AHNAK2: variants seen among roughly 807,000 people sequenced by gnomAD.
AHNAK2 encodes AHNAK nucleoprotein 2.
A neutral mutation model predicts 30.7 loss-of-function variants in AHNAK2; 18 were observed. The observed-to-expected ratio is 0.59, with a 90% CI of 0.41 to 0.87. The LOEUF (loss-of-function observed/expected upper bound fraction) is 0.87, where lower values mean the gene tolerates loss of function less well. AHNAK2 is among the 40% of genes least tolerant of loss of function. The pLI, the probability that AHNAK2 is intolerant of heterozygous loss-of-function variation, is 0.00. For missense variants in AHNAK2, 8,604 were observed against 7,373.0 expected (o/e 1.17, Z -6.11); for synonymous variants, 3,590 against 3,073.8 (o/e 1.17, Z -5.56).
chr14:104,945,005 G>T lies in AHNAK2; in HGVS notation c.10446C>A (p.Ser3482=), dbSNP rs144545959. 1.1e-3 allele frequency: 1,828 copies of T among 1,609,732 alleles called. 10 individuals carry two copies. The highest frequency in any genetic ancestry group is 0.011 in the African/African-American group (770 of 73,172). The change falls in exon 7 of 7, where the codon TCC becomes TCA. Residue 3482 remains serine (S), a synonymous_variant. Coordinates refer to ENST00000333244, the MANE Select transcript of AHNAK2 (RefSeq NM_138420.4). ...KFKMPKFKMP[S]FGVSAPGRSI... ...ACCTGCCTGGGGCCGACACCCCGAA[G>T]GAGGGCATCTTGAACTTGGGCATTT...
In AHNAK2 at chr14:104,944,437, C is replaced by T. The variant is rs758999554; in HGVS notation, c.11014G>A (p.Val3672Met). Residue 3672 changes from valine to methionine, a missense_variant, in exon 7 of 7, where the codon GTG becomes ATG. Transcript: ENST00000333244. ...TCCCCCTGCATGGAGGGGAGACTCA[C>T]ATCGGCTTCCACCTTGGGTGCAGAC... The part of the protein sequence containing the change: ...DVSAPKVEAD[V>M]SLPSMQGDLK... The T allele has an allele frequency of 8.1e-6, 13 of 1,612,896 alleles. No individual in the cohort carries two copies. In the African/African-American group the frequency reaches 1.1e-4, roughly 13 times the overall value.
rs1161758778 is a variant in AHNAK2 at position 104,951,709 on chromosome 14, T to C, written c.3742A>G (p.Lys1248Glu). The change falls in exon 7 of 7, where the codon AAG becomes GAG. Residue 1248 changes from lysine (K) to glutamate (E), a missense_variant. Physicochemically the swap from Lys to Glu is moderately conservative, Grantham distance 56. Coordinates refer to ENST00000333244, the MANE Select transcript of AHNAK2 (RefSeq NM_138420.4). ...ATCTTCAAACTAGGCATCTGCACCT[T>C]GGGCAGGTGCCCTTTGAAGCCGGCT... ...EGAGFKGHLP[K>E]VQMPSLKMPK... 1.6e-6 allele frequency: 2 copies of C among 1,246,286 alleles called. No individual in the cohort carries two copies. The highest frequency in any genetic ancestry group is 4.5e-5 in the East Asian group (2 of 44,406). The allele number at this position is 1,246,286 out of a possible 1,614,324, so 77.2% of individuals were successfully genotyped here. A position where few individuals can be genotyped will look rare whatever the true frequency, so the allele number is the denominator to read the frequency against.
In AHNAK2 at chr14:104,948,230, G is replaced by A. The variant is rs775359340; in HGVS notation, c.7221C>T (p.Pro2407=). The A allele has an allele frequency of 5.0e-6, 8 of 1,612,342 alleles. No individual in the cohort carries two copies. The East Asian group carries it at 1.6e-4, about 32-fold the overall frequency. The change falls in exon 7 of 7, where the codon CCC becomes CCT. Residue 2407 remains proline (P), a synonymous_variant. Coordinates refer to ENST00000333244, the MANE Select transcript of AHNAK2 (RefSeq NM_138420.4). ...LKGHLPKLQM[P]SFKMPKVDLK... ...GATCTACTTTGGGCATCTTGAAACT[G>A]GGCATCTGCAGCTTGGGCAGGTGCC...
rs767924308 is a variant in AHNAK2 at position 104,948,725 on chromosome 14, G to C, written c.6726C>G (p.Pro2242=). 1 of 1,611,548 alleles carries C rather than the reference G, an allele frequency of 6.2e-7. No individual in the cohort carries two copies. Among genetic ancestry groups the C allele is most frequent in the Admixed American group, 1.7e-5 (1 of 59,824 alleles). ...GGTCCACTTTGGGCACCTTGAAACT[G>C]GGCATCTGCAGCTTGGGCAGGTGCC... The part of the protein sequence containing the change: ...LKGHLPKLQM[P]SFKVPKVDLK... The change falls in exon 7 of 7, where the codon CCC becomes CCG. Residue 2242 remains proline, a synonymous_variant. Transcript: ENST00000333244.
rs548794352 is a variant in AHNAK2, at chr14:104,954,940, G to A, written c.651+17C>T. ...GAAGCCAGCTGGGGCCCTGCCCCCC[G>A]GGCATAGTGGTCTCACCTCCTTCTC... On this transcript the variant is annotated intron_variant, in intron 6 of 6. Coordinates refer to ENST00000333244, the MANE Select transcript of AHNAK2 (RefSeq NM_138420.4). This position sits in a 1 kb window ranked among gnomAD's most constrained non-coding sequence, Gnocchi z 4.3. 3.6e-5 allele frequency: 58 copies of A among 1,600,360 alleles called. No individual in the cohort carries two copies. In the East Asian group the frequency reaches 4.0e-4, roughly 11 times the overall value.
rs368494029 is a variant in AHNAK2 at position 104,949,448 on chromosome 14, C to G, written c.6003G>C (p.Ser2001=). The G allele has an allele frequency of 3.2e-6, 5 of 1,583,216 alleles. 1 individual carries two copies. Among genetic ancestry groups the G allele is most frequent in the Non-Finnish European group, 4.3e-6 (5 of 1,160,838 alleles). The part of the protein sequence containing the change: ...PKFKMPSFGV[S]APGRSIEASV... Reference sequence around the variant, plus strand: ...AGGCCTCGATGGACCTCCCTGGGGCCGATACCCCGAACGACGGCATCTTGA... The same window carrying G: ...AGGCCTCGATGGACCTCCCTGGGGCGGATACCCCGAACGACGGCATCTTGA... Residue 2001 remains serine, a synonymous_variant, in exon 7 of 7, where the codon TCG becomes TCC. Transcript: ENST00000333244.
chr14:104,944,355 G>C lies in AHNAK2; in HGVS notation c.11096C>G (p.Ala3699Gly). The change falls in exon 7 of 7, where the codon GCT (alanine) becomes GGT (glycine). Residue 3699 changes from alanine (A) to glycine (G), a missense_variant. Transcript: ENST00000333244. Reference sequence around the variant, plus strand: ...CGGGAGCTTCACATCCATCTGGCCAGCCTGGACCTTCAGGTCGGCAGAAGG... The same window carrying C: ...CGGGAGCTTCACATCCATCTGGCCACCCTGGACCTTCAGGTCGGCAGAAGG... ...QPPSADLKVQ[A>G]GQMDVKLPEG... The C allele has an allele frequency of 1.2e-6, 2 of 1,612,648 alleles. No individual in the cohort carries two copies. Among genetic ancestry groups the C allele is most frequent in the Non-Finnish European group, 1.7e-6 (2 of 1,179,496 alleles).
In AHNAK2 at chr14:104,956,606, G is replaced by C; in HGVS notation, c.297C>G (p.Phe99Leu). ...KRDSGDSRTF[F>L]RMSRPEAVQE... ...TACCCACCTCTGGACGACTCATCCTGAAAAATGTCCGTGAGTCCCCTGAAT... is the reference window on the plus strand; with the variant it reads ...TACCCACCTCTGGACGACTCATCCTCAAAAATGTCCGTGAGTCCCCTGAAT... Residue 99 changes from phenylalanine (F) to leucine (L), a missense_variant, in exon 4 of 7, where the codon TTC (phenylalanine) becomes TTG (leucine). Phe to Leu is a conservative substitution (Grantham distance 22). Transcript: ENST00000333244. 1 of 1,613,904 alleles carries C rather than the reference G, an allele frequency of 6.2e-7. No individual in the cohort carries two copies. Among genetic ancestry groups the C allele is most frequent in the Non-Finnish European group, 8.5e-7 (1 of 1,179,854 alleles).
chr14:104,953,398 A>C lies in AHNAK2; in HGVS notation c.2053T>G (p.Phe685Val). ...GACTTGCCTGGGGCTGACGCCCCGA[A>C]CAATGGCATCTTGAACTTGGGCATT... ...FKMPKFKMPL[F>V]GASAPGKSME... Residue 685 changes from phenylalanine (F) to valine (V), a missense_variant, in exon 7 of 7, where the codon TTC becomes GTC. Physicochemically the swap from Phe to Val is conservative, Grantham distance 50 (BLOSUM62 -1). Coordinates refer to ENST00000333244, the MANE Select transcript of AHNAK2 (RefSeq NM_138420.4). 1 of 1,613,868 alleles carries C rather than the reference A, an allele frequency of 6.2e-7. No individual in the cohort carries two copies. The highest frequency in any genetic ancestry group is 8.5e-7 in the Non-Finnish European group (1 of 1,179,868).
In AHNAK2 at chr14:104,946,158, G is replaced by C. The variant is rs374657511; in HGVS notation, c.9293C>G (p.Thr3098Arg). The change falls in exon 7 of 7, where the codon ACG becomes AGG. Residue 3098 changes from threonine to arginine, a missense_variant. Physicochemically the swap from Thr to Arg is moderately conservative, Grantham distance 71. Transcript: ENST00000333244. ...LDLKGPKTDV[T>R]APDVEVSQPG... ...CTGAGACACCTCCACGTCGGGGGCC[G>C]TCACGTCCGTCTTCGGGCCTTTCAG... 47 of 1,611,860 alleles carry C rather than the reference G, an allele frequency of 2.9e-5. No homozygotes were observed. Among genetic ancestry groups the C allele is most frequent in the Non-Finnish European group, 3.9e-5 (46 of 1,179,364 alleles).
At position 104,944,881 on chromosome 14, in the gene AHNAK2, G is replaced by C. The variant is rs766518795; in HGVS notation, c.10570C>G (p.Gln3524Glu). The C allele has an allele frequency of 3.0e-5, 48 of 1,612,984 alleles. No individual in the cohort carries two copies. The highest frequency in any genetic ancestry group is 1.6e-5 in the Non-Finnish European group (19 of 1,179,628). ...ACCTCCAGGTCAGCGGAAGGGGGCT[G>C]AATGCTGAGGTCAGTGGCCTTGAGG... Reference protein sequence around the residue: ...GDLKATDLSIQPPSADLEVQA... With the variant: ...GDLKATDLSIEPPSADLEVQA... Residue 3524 changes from glutamine (Q) to glutamate (E), a missense_variant, in exon 7 of 7, where the codon CAG (glutamine) becomes GAG (glutamate). Gln to Glu is a conservative substitution (Grantham distance 29). Coordinates refer to ENST00000333244, the MANE Select transcript of AHNAK2 (RefSeq NM_138420.4).
In AHNAK2 at chr14:104,944,448, A is replaced by T; in HGVS notation, c.11003T>A (p.Val3668Glu). ...EASVDVSAPK[V>E]EADVSLPSMQ... ...GGAGGGGAGACTCACATCGGCTTCC[A>T]CCTTGGGTGCAGACACATCCACCGA... Residue 3668 changes from valine (V) to glutamate (E), a missense_variant, in exon 7 of 7, where the codon GTG (valine) becomes GAG (glutamate). Transcript: ENST00000333244. 1 of 1,612,590 alleles carries T rather than the reference A, an allele frequency of 6.2e-7. No individual in the cohort carries two copies. The highest frequency in any genetic ancestry group is 1.3e-5 in the African/African-American group (1 of 74,614).
Position 104,941,983 on chromosome 14 carries a change from C to T in AHNAK2, c.13468G>A (p.Ala4490Thr). 1 of 1,612,864 alleles carries T rather than the reference C, an allele frequency of 6.2e-7. No homozygotes were observed. Among genetic ancestry groups the T allele is most frequent in the Non-Finnish European group, 8.5e-7 (1 of 1,179,440 alleles). Reference sequence around the variant, plus strand: ...CTCATGTCGGCCTCCATCTTTGGCGCAGACACATCCACCGAGACCTCGATG... The same window carrying T: ...CTCATGTCGGCCTCCATCTTTGGCGTAGACACATCCACCGAGACCTCGATG... The part of the protein sequence containing the change: ...KSIEVSVDVS[A>T]PKMEADMSIP... The change falls in exon 7 of 7, where the codon GCG (alanine) becomes ACG (threonine). Residue 4490 changes from alanine (A) to threonine (T), a missense_variant. Physicochemically the swap from Ala to Thr is moderately conservative, Grantham distance 58 (BLOSUM62 0). Transcript: ENST00000333244.
At position 104,948,316 on chromosome 14, in the gene AHNAK2, C is replaced by G. The variant is rs767990914; in HGVS notation, c.7135G>C (p.Ala2379Pro). The change falls in exon 7 of 7, where the codon GCT (alanine) becomes CCT (proline). Residue 2379 changes from alanine to proline, a missense_variant. By Grantham distance (27) the Ala-to-Pro change is conservative. Coordinates refer to ENST00000333244, the MANE Select transcript of AHNAK2 (RefSeq NM_138420.4). ...QPPSADLEVQ[A>P]GQVDVKLPEG... The stretch of plus-strand genomic sequence containing the variant: ...GGGAGTTTCACATCCACTTGGCCAG[C>G]CTGGACCTCCAGGTCAGCGGAAGGG... 1.2e-6 allele frequency: 2 copies of G among 1,612,626 alleles called. No homozygotes were observed. Among genetic ancestry groups the G allele is most frequent in the Admixed American group, 1.7e-5 (1 of 59,920 alleles).
intron 1 of AHNAK2, 48 bp downstream of exon 1, chr14:104,978,135 T>C: frequency 3.3e-6 from 4 of 1,201,920 alleles, no homozygotes; most frequent in Non-Finnish European, 4.1e-6. Context: ...CCCTCGCGCG[T>C]AGCCCACCCG....
rs774461079 is a variant in AHNAK2, at chr14:104,946,557, G to A, written c.8894C>T (p.Ser2965Phe). Residue 2965 changes from serine to phenylalanine, a missense_variant, in exon 7 of 7, where the codon TCC becomes TTC. By Grantham distance (155) the Ser-to-Phe change is radical (BLOSUM62 -2). Transcript: ENST00000333244. ...GGCAGTCACATCCTTGTCGGCCAGG[G>A]ACAGGTCACCCTCCAGCCGTGCACC... ...LDGARLEGDL[S>F]LADKDVTAKD... 6 of 1,612,552 alleles carry A rather than the reference G, an allele frequency of 3.7e-6. No homozygotes were observed. The African/African-American group carries it at 8.1e-5, about 22-fold the overall frequency.
Position 104,951,981 on chromosome 14 carries a change from G to A in AHNAK2, c.3470C>T (p.Thr1157Ile), listed in dbSNP as rs768837272. ...CATTTTGAACCTGCTGTCTTTGGCA[G>A]TCACATCCTTGTCGGCCAGGGACAG... is the stretch of plus-strand genomic sequence containing the variant. ...GELSLADKDV[T>I]AKDSRFKMPK... The change falls in exon 7 of 7, where the codon ACT becomes ATT. Residue 1157 changes from threonine (T) to isoleucine (I), a missense_variant. Thr to Ile is a moderately conservative substitution (Grantham distance 89). Transcript: ENST00000333244. The A allele has an allele frequency of 6.2e-7, 1 of 1,612,574 alleles. No homozygotes were observed. Among genetic ancestry groups the A allele is most frequent in the Non-Finnish European group, 8.5e-7 (1 of 1,179,530 alleles).
In AHNAK2 at chr14:104,942,776, C is replaced by T. The variant is rs766021313; in HGVS notation, c.12675G>A (p.Lys4225=). ...GGCCCTTGAGGGCCACTTTGGGCAT[C>T]TTCAAACAGGGCATCTGCACCTTGG... The part of the protein sequence containing the change: ...HLPKVQMPCL[K]MPKVALKGPQ... The change falls in exon 7 of 7, where the codon AAG becomes AAA. Residue 4225 remains lysine, a synonymous_variant. Transcript: ENST00000333244. 6.2e-7 allele frequency: 1 copy of T among 1,612,986 alleles called. No homozygotes were observed. Among genetic ancestry groups the T allele is most frequent in the Non-Finnish European group, 8.5e-7 (1 of 1,179,566 alleles).
chr14:104,950,222 C>G lies in AHNAK2; in HGVS notation c.5229G>C (p.Lys1743Asn). Reference sequence around the variant, plus strand: ...GCATCTTCAAACTGGGCATCTGCACCTTGGGGAGGTGCCCTTTGAAGCCGG... The same window carrying G: ...GCATCTTCAAACTGGGCATCTGCACGTTGGGGAGGTGCCCTTTGAAGCCGG... ...EGAGFKGHLP[K>N]VQMPSLKMPK... Residue 1743 changes from lysine to asparagine, a missense_variant, in exon 7 of 7, where the codon AAG becomes AAC. Physicochemically the swap from Lys to Asn is moderately conservative, Grantham distance 94. Coordinates refer to ENST00000333244, the MANE Select transcript of AHNAK2 (RefSeq NM_138420.4). The G allele has an allele frequency of 1.3e-6, 2 of 1,583,246 alleles. No homozygotes were observed. The highest frequency in any genetic ancestry group is 1.7e-4 in the Middle Eastern group (1 of 5,980).
Sources: allele counts gnomAD v4.1 joint callset, GRCh38; gene constraint gnomAD v4.1.1; non-coding constraint Gnocchi (gnomAD v3.1); transcripts MANE v1.5; gene names NCBI Gene and HGNC (gene_info 2026-07-23, HGNC 2026-07-21).